CELF2: variants seen among roughly 807,000 people sequenced by gnomAD.
CELF2 encodes CUGBP Elav-like family member 2.
Under a neutral mutation model 62.6 loss-of-function variants are expected in CELF2, and 8 were observed. The ratio of observed to expected loss-of-function variants is 0.13; its 90% CI spans 0.07 to 0.23. The LOEUF (loss-of-function observed/expected upper bound fraction) is 0.23. Among genes scored for constraint, CELF2 ranks in the 10% least tolerant of loss-of-function variants. CELF2 has a pLI of 1.00. For missense variants in CELF2, 333 were observed against 671.0 expected (o/e 0.50, Z 5.56); for synonymous variants, 258 against 250.0 (o/e 1.03, Z -0.30).
At chr10:10,744,178 A>G in the CELF2 span, among the ~76,000 whole-genome samples, 1 of 152,158 alleles carries the variant, frequency 6.6e-6, no homozygotes, top group African/African-American at 2.4e-5. Context: ...CAGCCCACCT[A>G]TATGCTGGGA....
At position 10,938,791 on chromosome 10, in the gene CELF2, G is replaced by T. The variant is rs2046693799; in HGVS notation, c.89+18792G>T. 6.6e-6 allele frequency among the ~76,000 whole-genome samples: 1 copy of T among 152,126 alleles called. No individual in the cohort carries two copies. Among genetic ancestry groups the T allele is most frequent in the African/African-American group, 2.4e-5 (1 of 41,426 alleles). ...GTGGGTTAGTGCCTGGACAACTCAG[G>T]CTCGAGCCCGCTGGGGACCCCGTGA... On this transcript the variant is annotated intron_variant, in intron 2 of 13. Transcript: ENST00000636488. This position sits in a 1 kb window ranked among gnomAD's most constrained non-coding sequence, Gnocchi z 4.2.
intron 1 of CELF2, among the ~76,000 whole-genome samples, chr10:10,837,844 T>G (rs2058408177): frequency 6.6e-6 from 1 of 152,146 alleles, no homozygotes; most frequent in Non-Finnish European, 1.5e-5. Flanking sequence ...TAGTTATAGA[T>G]TTACAGAAAA....
chr10:11,318,486 G>A lies in CELF2; in HGVS notation c.1097-2703G>A, dbSNP rs1201887351. On this transcript the variant is annotated intron_variant, in intron 10 of 12. Coordinates refer to ENST00000633077, the MANE Select transcript of CELF2 (RefSeq NM_001326342.2). The surrounding 1 kb of genome is among the most constrained non-coding windows in gnomAD (Gnocchi z 5.4). Reference sequence around the variant, plus strand: ...GCTGTCTCCTACATGCACAGCACCAGCAGAAGTAAACACGACCCTTCCAGA... The same window carrying A: ...GCTGTCTCCTACATGCACAGCACCAACAGAAGTAAACACGACCCTTCCAGA... The A allele has an allele frequency of 2.9e-6, 1 of 344,188 alleles. No individual in the cohort carries two copies. The highest frequency in any genetic ancestry group is 2.2e-5 in the South Asian group (1 of 44,766). 21.3% of individuals were successfully genotyped at this position (344,188 alleles called of 1,614,324 possible).
rs1001524163 is a variant in CELF2, at chr10:11,039,248, G to A, written c.74+21085G>A. Among the ~76,000 whole-genome samples the A allele has an allele frequency of 1.3e-5, 2 of 152,198 alleles. No individual in the cohort carries two copies. Among genetic ancestry groups the A allele is most frequent in the Non-Finnish European group, 2.9e-5 (2 of 68,038 alleles). On this transcript the variant is annotated intron_variant, in intron 1 of 12. Transcript: ENST00000633077. The surrounding 1 kb of genome is among the most constrained non-coding windows in gnomAD (Gnocchi z 4.1). ...ACAGAGTGGGTCAAACACATCAGATGAGATAGGAAGAAAAGTGGAGAATGC... is the reference window on the plus strand; with the variant it reads ...ACAGAGTGGGTCAAACACATCAGATAAGATAGGAAGAAAAGTGGAGAATGC...
At chr10:10,808,147 A>G (rs1479453437) in intron 1 of CELF2, among the ~76,000 whole-genome samples, 1 of 152,228 alleles carries the variant, frequency 6.6e-6, no homozygotes, top group African/African-American at 2.4e-5. Context: ...TTTCTGTGAC[A>G]TAAAACATGT....
intron 2 of CELF2, among the ~76,000 whole-genome samples, chr10:11,176,399 G>A (rs1347806629): frequency 6.6e-6 from 1 of 152,190 alleles, no homozygotes; most frequent in South Asian, 2.1e-4. Flanking sequence ...GGGTCCTGAG[G>A]AAGAGCTGCC....
the CELF2 span, among the ~76,000 whole-genome samples, chr10:10,698,207 C>T: frequency 1.3e-5 from 2 of 152,280 alleles, no homozygotes; most frequent in South Asian, 4.2e-4. Context: ...AAATCTATGA[C>T]AGAATATTCA....
At position 11,306,119 on chromosome 10, in the gene CELF2, A is replaced by C. The variant is rs1234033697; in HGVS notation, c.977-8020A>C. ...GTGACGTATCCAAGTTATTGCAGCC[A>C]CTGTGCGAGCAAGGTGAGGTGCACT... On this transcript the variant is annotated intron_variant, in intron 9 of 12. Transcript: ENST00000633077. The surrounding 1 kb of genome is among the most constrained non-coding windows in gnomAD (Gnocchi z 4.4). Among the ~76,000 whole-genome samples, 1 of 152,140 alleles carries C rather than the reference A, an allele frequency of 6.6e-6. No individual in the cohort carries two copies. The highest frequency in any genetic ancestry group is 1.5e-5 in the Non-Finnish European group (1 of 68,030).
chr10:11,326,752 C>G (rs1005834792), intron 12 of CELF2, among the ~76,000 whole-genome samples: 2 of 152,206 alleles, frequency 1.3e-5, no homozygotes, highest in African/African-American at 4.8e-5. Flanking sequence ...GTATATATTA[C>G]TTGGCAAGCT....
chr10:11,334,961 G>A lies in CELF2; in HGVS notation c.*5908G>A, dbSNP rs2096092130. The stretch of plus-strand genomic sequence containing the variant: ...TATTTCTACAAGCTAATTGAATCCA[G>A]GAGCAGCTTTAATTATTAACACTAA... On this transcript the variant is annotated 3_prime_UTR_variant, in exon 13 of 13. Transcript: ENST00000633077. The A allele has an allele frequency of 6.6e-6, 1 of 152,126 alleles. No individual in the cohort carries two copies. The highest frequency in any genetic ancestry group is 2.4e-5 in the African/African-American group (1 of 41,418). 9.4% of individuals were successfully genotyped at this position (152,126 alleles called of 1,614,324 possible). A position where few individuals can be genotyped will look rare whatever the true frequency, so the allele number is the denominator to read the frequency against.
At chr10:11,126,607 T>C (rs974877876) in intron 1 of CELF2, among the ~76,000 whole-genome samples, 4 of 152,222 alleles carry the variant, frequency 2.6e-5, no homozygotes, top group Admixed American at 2.6e-4. Flanking sequence ...CTGCAGCTAC[T>C]TAATATGCAG....
At chr10:10,466,063 C>T in the CELF2 span, among the ~76,000 whole-genome samples, 55 of 152,194 alleles carry the variant, frequency 3.6e-4, no homozygotes, top group Admixed American at 1.4e-3. Context: ...CCTGAAACAA[C>T]GTTGCATAAT....
chr10:10,828,055 G>A (rs539750093), intron 1 of CELF2, among the ~76,000 whole-genome samples: 1 of 147,542 alleles, frequency 6.8e-6, no homozygotes, highest in Non-Finnish European at 1.5e-5. Flanking sequence ...GTACAGTGTT[G>A]GTGGGAATGT....
chr10:10,986,997 G>A (rs1179447450), intron 2 of CELF2, among the ~76,000 whole-genome samples: 1 of 152,140 alleles, frequency 6.6e-6, no homozygotes, highest in African/African-American at 2.4e-5. Context: ...TTTATTTTAT[G>A]GGAAGAAAAG....
chr10:10,564,401 C>T, the CELF2 span, among the ~76,000 whole-genome samples: 6 of 151,988 alleles, frequency 3.9e-5, no homozygotes, highest in East Asian at 1.9e-4. Context: ...TTTTAAAAAG[C>T]GAACATTTTG....
At chr10:10,684,742 T>TCAA in the CELF2 span, among the ~76,000 whole-genome samples, 1 of 152,048 alleles carries the variant, frequency 6.6e-6, no homozygotes, top group African/African-American at 2.4e-5. Flanking sequence ...GGACCCTGTC[T>TCAA]CAACAACAAC....
At chr10:11,081,251 C>T (rs2073952152) in intron 1 of CELF2, among the ~76,000 whole-genome samples, 1 of 152,046 alleles carries the variant, frequency 6.6e-6, no homozygotes, top group Non-Finnish European at 1.5e-5. Context: ...GAAGCTTTTA[C>T]AAAGGGATTT....
chr10:10,472,515 T>C, the CELF2 span, among the ~76,000 whole-genome samples: 1 of 151,956 alleles, frequency 6.6e-6, no homozygotes, highest in Non-Finnish European at 1.5e-5. Context: ...AAATTGCTGC[T>C]GTTAAGGTTT....
Position 11,117,693 on chromosome 10 carries a change from T to C in CELF2, c.75-47793T>C, listed in dbSNP as rs948260842. 6.6e-6 allele frequency among the ~76,000 whole-genome samples: 1 copy of C among 152,162 alleles called. No homozygotes were observed. The highest frequency in any genetic ancestry group is 1.5e-5 in the Non-Finnish European group (1 of 68,026). ...CCATTCCAGGTGATGAATGACAAAA[T>C]CACCCAAGTATTTTTAAAATGTGTG... On this transcript the variant is annotated intron_variant, in intron 1 of 12. Transcript: ENST00000633077. The surrounding 1 kb of genome is among the most constrained non-coding windows in gnomAD (Gnocchi z 4.1).
Sources: gnomAD v4.1 joint callset for allele counts (sites outside exome capture counted in the v4.1 genomes callset) on GRCh38, gnomAD v4.1.1 for gene constraint, Gnocchi (gnomAD v3.1) non-coding constraint, MANE v1.5 for transcripts, NCBI Gene and HGNC (gene_info 2026-07-23, HGNC 2026-07-21) for gene names.